Variants in MSRA observed in about 807,000 individuals in gnomAD.
The protein encoded by MSRA is methionine sulfoxide reductase A.
In MSRA, 54 loss-of-function variants were observed where a neutral mutation model predicts 31.3. The ratio of observed to expected loss-of-function variants is 1.73; its 90% CI spans 1.39 to 2.17. The LOEUF (loss-of-function observed/expected upper bound fraction) is 2.17, where lower values mean the gene tolerates loss of function less well. MSRA is among the 30% of genes most tolerant of loss of function. The probability of loss-of-function intolerance (pLI) is 0.00; values close to 1 mark genes in which losing one functional copy is unlikely to be tolerated. For missense variants in MSRA, 507 were observed against 300.9 expected, an observed-to-expected ratio of 1.69 and a Z score of -5.07; for synonymous variants, 169 against 116.5, an observed-to-expected ratio of 1.45 and a Z score of -2.90.
intron 3 of MSRA, among the ~76,000 whole-genome samples, chr8:10,269,146 C>G (rs937877155): frequency 6.6e-6 from 1 of 152,246 alleles, no homozygotes; most frequent in Non-Finnish European, 1.5e-5. Context: ...CAATTTGCTG[C>G]TGCACGTTGT....
At chr8:10,403,302 A>G (rs1807580034) in intron 5 of MSRA, among the ~76,000 whole-genome samples, 1 of 152,288 alleles carries the variant, frequency 6.6e-6, no homozygotes, top group East Asian at 1.9e-4. Context: ...CAGGAGAAAA[A>G]TGACATCAAC....
chr8:10,163,515 C>T (rs962307652), intron 1 of MSRA, among the ~76,000 whole-genome samples: 5 of 152,214 alleles, frequency 3.3e-5, no homozygotes, highest in African/African-American at 9.6e-5. Flanking sequence ...TGCCCTTCAC[C>T]TTGGGAGGGC....
intron 2 of MSRA, among the ~76,000 whole-genome samples, chr8:10,242,106 T>C (rs1390966650): frequency 6.6e-6 from 1 of 152,072 alleles, no homozygotes; most frequent in Admixed American, 6.5e-5. Context: ...ACCCCATCTC[T>C]ACTAAAAACA....
Position 10,098,996 on chromosome 8 carries a change from G to T in MSRA, c.142+44338G>T, listed in dbSNP as rs148695871. Reference sequence around the variant, plus strand: ...GAAGATAAGGCCCCTCCCACATCCTGAGGCCAGCATGGCCCTTTGAAAGAA... The same window carrying T: ...GAAGATAAGGCCCCTCCCACATCCTTAGGCCAGCATGGCCCTTTGAAAGAA... On this transcript the variant is annotated intron_variant, in intron 1 of 5. Coordinates refer to ENST00000317173, the MANE Select transcript of MSRA (RefSeq NM_012331.5). 1.6e-3 allele frequency among the ~76,000 whole-genome samples: 246 copies of T among 152,326 alleles called. 1 individual carries two copies. Among genetic ancestry groups the T allele is most frequent in the African/African-American group, 5.5e-3 (227 of 41,582 alleles).
intron 3 of MSRA, chr8:10,250,351 A>G (rs1797850797): frequency 1.4e-6 from 1 of 694,620 alleles, no homozygotes; most frequent in Non-Finnish European, 2.6e-6. Context: ...TAATATACAA[A>G]TACCCCATTT....
chr8:10,262,974 C>G (rs1046721154), intron 3 of MSRA, among the ~76,000 whole-genome samples: 2 of 152,150 alleles, frequency 1.3e-5, no homozygotes, highest in Admixed American at 1.3e-4. Context: ...GGCCCTGGTC[C>G]CTTGACTTCC....
At chr8:10,411,487 T>C (rs1808156193) in intron 5 of MSRA, 1 of 137,346 alleles carries the variant, frequency 7.3e-6, no homozygotes. Context: ...TAGTTTCCTT[T>C]GAATATAATA....
chr8:10,324,039 A>G (rs1308349655), intron 5 of MSRA, among the ~76,000 whole-genome samples: 1 of 152,126 alleles, frequency 6.6e-6, no homozygotes, highest in East Asian at 1.9e-4. Context: ...CGTACCAGCT[A>G]ATTGACTGAA....
At chr8:10,355,996 A>G (rs1804486346) in intron 5 of MSRA, among the ~76,000 whole-genome samples, 1 of 152,180 alleles carries the variant, frequency 6.6e-6, no homozygotes, top group Admixed American at 6.5e-5. Context: ...CCCAGGTCCT[A>G]CGTGGTACCA....
intron 1 of MSRA, among the ~76,000 whole-genome samples, chr8:10,156,645 G>C (rs10107815): frequency 0.048 from 7,306 of 152,070 alleles, 574 homozygotes; most frequent in African/African-American, 0.17. Context: ...AGGATGGCAT[G>C]TGGGAAATAG....
intron 3 of MSRA, among the ~76,000 whole-genome samples, chr8:10,295,250 C>G (rs1199113702): frequency 6.6e-6 from 1 of 152,128 alleles, no homozygotes; most frequent in Non-Finnish European, 1.5e-5. Flanking sequence ...ATGGCCTCAG[C>G]TCCACCTGAC....
At chr8:10,244,305 G>A (rs1023268702) in intron 2 of MSRA, among the ~76,000 whole-genome samples, 1 of 152,206 alleles carries the variant, frequency 6.6e-6, no homozygotes, top group Non-Finnish European at 1.5e-5. Context: ...TGTATTTGGA[G>A]CCCAAGGAAG....
intron 3 of MSRA, among the ~76,000 whole-genome samples, chr8:10,271,173 C>G (rs6601426): frequency 0.83 from 126,002 of 151,974 alleles, 52,494 homozygotes; most frequent in East Asian, 0.96. Flanking sequence ...GTGGGCAAAA[C>G]ATTTGAAAAG....
chr8:10,075,977 G>C (rs988357334), intron 1 of MSRA, among the ~76,000 whole-genome samples: 5 of 152,306 alleles, frequency 3.3e-5, no homozygotes, highest in East Asian at 1.9e-4. Context: ...TGCCGCCTCA[G>C]TATAAATAGG....
At chr8:10,067,260 T>G (rs955393390) in intron 1 of MSRA, among the ~76,000 whole-genome samples, 11 of 152,342 alleles carry the variant, frequency 7.2e-5, no homozygotes, top group African/African-American at 2.6e-4. Context: ...TGTCATATAT[T>G]TGGAATTATA....
chr8:10,420,631 G>T (rs879725091), intron 5 of MSRA, among the ~76,000 whole-genome samples: 3 of 152,094 alleles, frequency 2.0e-5, no homozygotes, highest in Non-Finnish European at 4.4e-5. Flanking sequence ...ACCCAGCCAG[G>T]TTCAGTGGTA....
chr8:10,308,177 T>C (rs878956324), intron 4 of MSRA, among the ~76,000 whole-genome samples: 1 of 152,224 alleles, frequency 6.6e-6, no homozygotes, highest in Non-Finnish European at 1.5e-5. Flanking sequence ...TTGTGGTTCA[T>C]TGAAGCCTTC....
At chr8:10,162,430 C>G (rs1008352488) in intron 1 of MSRA, among the ~76,000 whole-genome samples, 2 of 152,146 alleles carry the variant, frequency 1.3e-5, no homozygotes, top group Non-Finnish European at 2.9e-5. Flanking sequence ...GGTGTTTAAC[C>G]TACATTGAGT....
chr8:10,233,868 A>G (rs570150141), intron 2 of MSRA, among the ~76,000 whole-genome samples: 1 of 152,214 alleles, frequency 6.6e-6, no homozygotes, highest in Non-Finnish European at 1.5e-5. Flanking sequence ...AAAATGAATG[A>G]CATCTAGATT....
Sources: allele counts gnomAD v4.1 joint callset (sites outside exome capture counted in the v4.1 genomes callset), GRCh38; gene constraint gnomAD v4.1.1; transcripts MANE v1.5; gene names NCBI Gene and HGNC (gene_info 2026-07-23, HGNC 2026-07-21).